Variants in NCF4 observed in about 807,000 individuals in gnomAD.
NCF4 encodes neutrophil cytosolic factor 4.
Under a neutral mutation model 41.7 loss-of-function variants are expected in NCF4, and 30 were observed. That is an observed-to-expected ratio of 0.72 (90% confidence interval 0.54 to 0.97). NCF4 has a LOEUF of 0.97. Among genes scored for constraint, NCF4 ranks in the 50% least tolerant of loss-of-function variants. The pLI is 0.00. For synonymous variants in NCF4, 195 were observed against 175.8 expected (o/e 1.11, Z -0.87); for missense variants, 432 against 460.9 (o/e 0.94, Z 0.57).
At chr22:36,867,315 C>G in intron 3 of NCF4, 77 bp from the exon 4 acceptor site, 1 of 1,514,800 alleles carries the variant, frequency 6.6e-7, no homozygotes, top group Non-Finnish European at 9.2e-7. Flanking sequence ...GCCAGGGTTC[C>G]TGGCCTGTAG....
At position 36,867,395 on chromosome 22, in the gene NCF4, A is replaced by T. The variant is rs1939953180; in HGVS notation, c.275A>T (p.Lys92Ile). The T allele has an allele frequency of 6.2e-7, 1 of 1,614,002 alleles. No individual in the cohort carries two copies. The highest frequency in any genetic ancestry group is 8.5e-7 in the Non-Finnish European group (1 of 1,180,012). Residue 92 changes from lysine to isoleucine, a missense_variant, in exon 4 of 10, where the codon AAA becomes ATA. Lys to Ile is a moderately radical substitution (Grantham distance 102). Coordinates refer to ENST00000248899, the MANE Select transcript of NCF4 (RefSeq NM_000631.5). ...LACTLPTLPA[K>I]VYVGVKQEIA... ...ACAGCTCTTTGTCTCTTCTCAGCCAAAGTCTACGTGGGTGTGAAACAGGAG... is the reference window on the plus strand; with the variant it reads ...ACAGCTCTTTGTCTCTTCTCAGCCATAGTCTACGTGGGTGTGAAACAGGAG...
chr22:36,861,046 T>C lies in NCF4; in HGVS notation c.-126T>C. On this transcript the variant is annotated 5_prime_UTR_variant, in exon 1 of 10. Transcript: ENST00000248899. Reference sequence around the variant, plus strand: ...AGGCCTGAGCCTCCCCAAAGGCAGCTCCTGGGGACTCCCAGGACCACAGGC... The same window carrying C: ...AGGCCTGAGCCTCCCCAAAGGCAGCCCCTGGGGACTCCCAGGACCACAGGC... 7.7e-7 allele frequency: 1 copy of C among 1,299,868 alleles called. No homozygotes were observed. Among genetic ancestry groups the C allele is most frequent in the Non-Finnish European group, 1.1e-6 (1 of 918,974 alleles). 80.5% of individuals were successfully genotyped at this position (1,299,868 alleles called of 1,614,324 possible). A position where few individuals can be genotyped will look rare whatever the true frequency, so the allele number is the denominator to read the frequency against.
At chr22:36,870,171 A>T (rs1020340412) in intron 4 of NCF4, 1 of 572,416 alleles carries the variant, frequency 1.7e-6, no homozygotes, top group Non-Finnish European at 3.1e-6. Context: ...TCTTTTCCAA[A>T]TGGACTCTTC....
chr22:36,875,872 T>TC, intron 8 of NCF4, 89 bp downstream of exon 8: 1 of 1,613,946 alleles, frequency 6.2e-7, no homozygotes, highest in Non-Finnish European at 8.5e-7. Flanking sequence ...TGGGTCCCTC[T>TC]CCCACTCCAA....
At chr22:36,870,231 G>A (rs1371889283) in intron 4 of NCF4, 184 bp from the exon 5 acceptor site, 16 of 829,194 alleles carry the variant, frequency 1.9e-5, no homozygotes, top group Non-Finnish European at 2.9e-5. Flanking sequence ...CAGAGCTTGT[G>A]AAGTGTTACC....
chr22:36,861,229 C>G (rs548553597), intron 1 of NCF4, 26 bp downstream of exon 1: 1 of 1,551,206 alleles, frequency 6.4e-7, no homozygotes, highest in South Asian at 1.2e-5. Context: ...TGGCCGCCCC[C>G]GGGCCTTCTC....
In NCF4 at chr22:36,866,912, G is replaced by C. The variant is rs1171625656; in HGVS notation, c.272-480G>C. ...GGTGGTATGTGGACGTGCCTTGAGA[G>C]ATGGAAAGAATCCTGGTTCCTGAGT... is the stretch of plus-strand genomic sequence containing the variant. On this transcript the variant is annotated intron_variant, in intron 3 of 9. Transcript: ENST00000248899. 2.0e-5 allele frequency among the ~76,000 whole-genome samples: 3 copies of C among 152,158 alleles called. No homozygotes were observed. The East Asian group carries it at 5.8e-4, about 29-fold the overall frequency.
intron 1 of NCF4, among the ~76,000 whole-genome samples, chr22:36,862,567 C>A (rs1451405781): frequency 6.6e-6 from 1 of 152,274 alleles, no homozygotes; most frequent in Non-Finnish European, 1.5e-5. Context: ...TGCACTCCCT[C>A]CCCCACTCCC....
intron 1 of NCF4, among the ~76,000 whole-genome samples, chr22:36,863,104 A>G (rs905174717): frequency 2.0e-5 from 3 of 152,142 alleles, no homozygotes; most frequent in Non-Finnish European, 2.9e-5. Flanking sequence ...ACAGGCAGCC[A>G]GGCCATTCTC....
chr22:36,877,136 CCTT>C (rs1200156757), intron 9 of NCF4, among the ~76,000 whole-genome samples: 3 of 151,954 alleles, frequency 2.0e-5, no homozygotes, highest in East Asian at 3.9e-4. Context: ...AGTCTCTTCT[CCTT>C]CTCCTTTTTT....
intron 7 of NCF4, among the ~76,000 whole-genome samples, chr22:36,872,758 GAGGTGAGGGTGGAGATGAGGGTGA>G (rs1424080835): frequency 4.4e-4 from 67 of 151,640 alleles, no homozygotes; most frequent in African/African-American, 1.5e-3. Flanking sequence ...GGTGAGGATG[GAGGTGAGGGTGGAGATGAGGGTGA>G]AGGTGAGGAT....
At chr22:36,871,828 A>C (rs1205377295) in intron 6 of NCF4, 119 bp downstream of exon 6, 26 of 1,220,540 alleles carry the variant, frequency 2.1e-5, no homozygotes, top group Admixed American at 4.0e-5. Context: ...AGTGCTGGGC[A>C]CCAGGAGGAA....
At chr22:36,876,142 G>A (rs961103037) in intron 9 of NCF4, 48 bp downstream of exon 9, 1 of 1,499,988 alleles carries the variant, frequency 6.7e-7, no homozygotes, top group Non-Finnish European at 9.0e-7. Flanking sequence ...CTGGAGAAGA[G>A]AGCGCAGGGA....
rs564890618 is a variant in NCF4 at position 36,870,555 on chromosome 22, C to G, written c.470+13C>G. The G allele has an allele frequency of 6.2e-7, 1 of 1,609,882 alleles. No homozygotes were observed. Among genetic ancestry groups the G allele is most frequent in the South Asian group, 1.1e-5 (1 of 91,090 alleles). On this transcript the variant is annotated intron_variant, in intron 5 of 9. Transcript: ENST00000248899. The stretch of plus-strand genomic sequence containing the variant: ...GCACCCGGAAAGTGTAAGTGACCAG[C>G]CCCTGGGCTTCCACATGGCCAGAGC...
At chr22:36,869,298 A>C (rs1460903912) in intron 4 of NCF4, among the ~76,000 whole-genome samples, 1 of 152,158 alleles carries the variant, frequency 6.6e-6, no homozygotes, top group Non-Finnish European at 1.5e-5. Context: ...AGGATTCTGC[A>C]TGTATTTACT....
At chr22:36,870,346 A>G in intron 4 of NCF4, 69 bp from the exon 5 acceptor site, 1 of 1,608,510 alleles carries the variant, frequency 6.2e-7, no homozygotes, top group Non-Finnish European at 8.5e-7. Context: ...CGGGGACGGG[A>G]CATCTAGGCT....
At chr22:36,862,009 G>A (rs1224477617) in intron 1 of NCF4, among the ~76,000 whole-genome samples, 1 of 152,242 alleles carries the variant, frequency 6.6e-6, no homozygotes, top group African/African-American at 2.4e-5. Context: ...GTCACAGAGA[G>A]TGACTGGCAA....
chr22:36,868,069 T>C (rs1030601187), intron 4 of NCF4, among the ~76,000 whole-genome samples: 14 of 152,096 alleles, frequency 9.2e-5, no homozygotes, highest in Non-Finnish European at 1.8e-4. Flanking sequence ...GGAAGGAGCA[T>C]CTTAAAGGCA....
intron 6 of NCF4, 124 bp downstream of exon 6, chr22:36,871,833 G>A (rs1651634052): frequency 2.6e-6 from 3 of 1,176,246 alleles, no homozygotes; most frequent in Admixed American, 2.0e-5. Flanking sequence ...TGGGCACCAG[G>A]AGGAAGGAAG....
Sources: gnomAD v4.1 joint callset for allele counts (sites outside exome capture counted in the v4.1 genomes callset) on GRCh38, gnomAD v4.1.1 for gene constraint, MANE v1.5 for transcripts, NCBI Gene and HGNC (gene_info 2026-07-23, HGNC 2026-07-21) for gene names.